Variants in ERI3 observed in about 807,000 individuals in gnomAD.
ERI3 encodes the protein ERI1 exoribonuclease 3.
Under a neutral mutation model 44.4 loss-of-function variants are expected in ERI3, and 18 were observed. That is an observed-to-expected ratio of 0.41 (90% confidence interval 0.28 to 0.60). ERI3 has a LOEUF of 0.60. Ranked by LOEUF, ERI3 falls within the 20% of genes least tolerant of loss-of-function variation. ERI3 has a pLI of 0.36. For missense variants in ERI3, 294 were observed against 435.5 expected (o/e 0.68, Z 2.89); for synonymous variants, 183 against 164.8 (o/e 1.11, Z -0.84).
intron 7 of ERI3, among the ~76,000 whole-genome samples, chr1:44,283,767 T>C (rs1645335751): frequency 6.6e-6 from 1 of 152,162 alleles, no homozygotes; most frequent in South Asian, 2.1e-4. Flanking sequence ...CACAAATACT[T>C]ATAAAGCTTT....
intron 4 of ERI3, 54 bp downstream of exon 4, chr1:44,319,574 G>T (rs537825519): frequency 4.7e-6 from 6 of 1,282,798 alleles, no homozygotes; most frequent in Non-Finnish European, 6.8e-6. Flanking sequence ...GAGCACCAAG[G>T]ATTCCAAAAT....
chr1:44,301,308 C>T (rs924957648), intron 6 of ERI3, among the ~76,000 whole-genome samples: 1 of 152,194 alleles, frequency 6.6e-6, no homozygotes, highest in Admixed American at 6.5e-5. Flanking sequence ...CCTGCCCCCA[C>T]TGTGCACTGG....
chr1:44,295,796 G>A (rs766478969), intron 6 of ERI3, among the ~76,000 whole-genome samples: 9 of 152,290 alleles, frequency 5.9e-5, no homozygotes, highest in Middle Eastern at 3.4e-3. Context: ...ATTTCAACAG[G>A]AAACATCACT....
rs538662877 is a variant in ERI3, at chr1:44,228,013, A to G, written c.932-6373T>C. Among the ~76,000 whole-genome samples, 20 of 152,222 alleles carry G rather than the reference A, an allele frequency of 1.3e-4. No individual in the cohort carries two copies. In the East Asian group the frequency reaches 3.7e-3, roughly 28 times the overall value. On this transcript the variant is annotated intron_variant, in intron 8 of 8. Coordinates refer to ENST00000372257, the MANE Select transcript of ERI3 (RefSeq NM_024066.3). The surrounding 1 kb of genome is among the most constrained non-coding windows in gnomAD (Gnocchi z 4.3). ...TAACATCTAAAAATAATGTTATTCC[A>G]ACAATAAATTCCTGATATCCCCACC...
intron 8 of ERI3, among the ~76,000 whole-genome samples, chr1:44,247,381 G>C (rs181790273): frequency 7.9e-5 from 12 of 152,232 alleles, no homozygotes; most frequent in Admixed American, 3.9e-4. Context: ...ACCCCCATTT[G>C]GTACCCCAAG....
At chr1:44,293,773 T>A (rs1486855543) in intron 6 of ERI3, among the ~76,000 whole-genome samples, 1 of 152,212 alleles carries the variant, frequency 6.6e-6, no homozygotes, top group Non-Finnish European at 1.5e-5. Context: ...ACACAGCTTC[T>A]TTGAGGAAGG....
chr1:44,284,701 A>G, intron 7 of ERI3, 134 bp downstream of exon 7: 1 of 684,546 alleles, frequency 1.5e-6, no homozygotes, highest in Non-Finnish European at 2.5e-6. Flanking sequence ...GCTAAGGAAA[A>G]GGATGAAGTT....
chr1:44,267,368 C>T (rs1645009313), intron 7 of ERI3, among the ~76,000 whole-genome samples: 1 of 152,162 alleles, frequency 6.6e-6, no homozygotes, highest in Admixed American at 6.5e-5. Flanking sequence ...CTCATTCTCC[C>T]AACCCCCAAT....
rs186608178 is a variant in ERI3, at chr1:44,252,619, A to C, written c.832-4581T>G. On this transcript the variant is annotated intron_variant, in intron 7 of 8. Coordinates refer to ENST00000372257, the MANE Select transcript of ERI3 (RefSeq NM_024066.3). This position sits in a 1 kb window ranked among gnomAD's most constrained non-coding sequence, Gnocchi z 4.7. ...ATGCACTGTCAGTCCCATCACAAAC[A>C]CGGCGCCCGGCGGCTTATGGGGGCT... 1.5e-4 allele frequency among the ~76,000 whole-genome samples: 23 copies of C among 152,242 alleles called. No individual in the cohort carries two copies. Among genetic ancestry groups the C allele is most frequent in the Admixed American group, 1.4e-3 (21 of 15,302 alleles).
At chr1:44,253,559 A>T (rs1644724841) in intron 7 of ERI3, among the ~76,000 whole-genome samples, 1 of 152,188 alleles carries the variant, frequency 6.6e-6, no homozygotes, top group African/African-American at 2.4e-5. Context: ...CCCATCTCAC[A>T]TGTTCTTCTT....
At chr1:44,314,408 T>G (rs1193954819) in intron 4 of ERI3, among the ~76,000 whole-genome samples, 1 of 152,224 alleles carries the variant, frequency 6.6e-6, no homozygotes, top group African/African-American at 2.4e-5. Flanking sequence ...CCACTCTATT[T>G]TATATTCCAG....
At chr1:44,247,372 C>T (rs1472373422) in intron 8 of ERI3, among the ~76,000 whole-genome samples, 1 of 152,160 alleles carries the variant, frequency 6.6e-6, no homozygotes, top group Non-Finnish European at 1.5e-5. Context: ...TGAGGGTATA[C>T]CCCCATTTGG....
intron 6 of ERI3, among the ~76,000 whole-genome samples, chr1:44,303,714 A>T (rs1645774899): frequency 6.6e-6 from 1 of 152,112 alleles, no homozygotes; most frequent in African/African-American, 2.4e-5. Flanking sequence ...GAGGCTAAAG[A>T]TGTAAGCAAG....
chr1:44,338,193 T>C (rs926877975), intron 3 of ERI3, among the ~76,000 whole-genome samples: 1 of 152,248 alleles, frequency 6.6e-6, no homozygotes, highest in Non-Finnish European at 1.5e-5. Context: ...GGTTATCTAA[T>C]GCTGCATAAC....
chr1:44,332,566 C>A (rs973742916), intron 3 of ERI3, among the ~76,000 whole-genome samples: 27 of 152,246 alleles, frequency 1.8e-4, no homozygotes, highest in Admixed American at 2.0e-4. Flanking sequence ...CCTGCCTCTG[C>A]TATGCCAAAC....
At chr1:44,335,776 C>CA (rs58557158) in intron 3 of ERI3, among the ~76,000 whole-genome samples, 1,330 of 72,610 alleles carry the variant, frequency 0.018, 28 homozygotes, top group East Asian at 0.14. Flanking sequence ...AACTCCATCT[C>CA]AAAAAAAAAA....
Position 44,284,098 on chromosome 1 carries a change from G to A in ERI3, c.831+737C>T, listed in dbSNP as rs1645343929. The A allele has an allele frequency of 4.3e-6, 2 of 470,586 alleles. 1 individual carries two copies. The highest frequency in any genetic ancestry group is 4.0e-5 in the African/African-American group (2 of 50,032). 29.2% of individuals were successfully genotyped at this position (470,586 alleles called of 1,614,324 possible). A position where few individuals can be genotyped will look rare whatever the true frequency, so the allele number is the denominator to read the frequency against. On this transcript the variant is annotated intron_variant, in intron 7 of 8. Coordinates refer to ENST00000372257, the MANE Select transcript of ERI3 (RefSeq NM_024066.3). The stretch of plus-strand genomic sequence containing the variant: ...AGGTCAGAATGATTTATGGGGGTGA[G>A]TCTCCCTAGTGGACTGGGCCTCCTG...
chr1:44,278,441 C>T (rs1030052384), intron 7 of ERI3, among the ~76,000 whole-genome samples: 2 of 145,928 alleles, frequency 1.4e-5, no homozygotes, highest in African/African-American at 5.1e-5. Flanking sequence ...CATGCCACTG[C>T]ACTTTAGCCT....
At chr1:44,345,173 T>C (rs1318323392) in intron 2 of ERI3, among the ~76,000 whole-genome samples, 1 of 152,220 alleles carries the variant, frequency 6.6e-6, no homozygotes, top group Non-Finnish European at 1.5e-5. Flanking sequence ...GTCGTTCTGG[T>C]GTCTTGGGTA....
Sources: gnomAD v4.1 joint callset for allele counts (sites outside exome capture counted in the v4.1 genomes callset) on GRCh38, gnomAD v4.1.1 for gene constraint, Gnocchi (gnomAD v3.1) non-coding constraint, MANE v1.5 for transcripts, NCBI Gene and HGNC (gene_info 2026-07-23, HGNC 2026-07-21) for gene names.